YY1AP1: variants seen among roughly 807,000 people sequenced by gnomAD.
The protein encoded by YY1AP1 is YY1-associated protein 1.
YY1AP1 carries 43 observed loss-of-function variants against 39.9 expected under a neutral mutation model. That is an observed-to-expected ratio of 1.08 (90% CI 0.84 to 1.39). The LOEUF (loss-of-function observed/expected upper bound fraction) is 1.39. YY1AP1 is among the 40% of genes most tolerant of loss of function. The probability of loss-of-function intolerance (pLI) is 0.00; values close to 1 mark genes in which losing one functional copy is unlikely to be tolerated. For missense variants in YY1AP1, 813 were observed against 900.7 expected (o/e 0.90, Z 1.25); for synonymous variants, 292 against 331.3 (o/e 0.88, Z 1.29).
At chr1:155,677,508 T>G (rs1650876527) in intron 4 of YY1AP1, among the ~76,000 whole-genome samples, 1 of 152,214 alleles carries the variant, frequency 6.6e-6, no homozygotes, top group Non-Finnish European at 1.5e-5. Context: ...AAGCATATGC[T>G]GATACCCTAT....
chr1:155,671,896 TC>T (rs1451905895), intron 7 of YY1AP1, among the ~76,000 whole-genome samples: 4 of 152,142 alleles, frequency 2.6e-5, no homozygotes, highest in Non-Finnish European at 5.9e-5. Flanking sequence ...TAAAATAGAA[TC>T]CAAAGACAAA....
chr1:155,688,545 C>G (rs1238511623), intron 1 of YY1AP1, 114 bp downstream of exon 1: 16 of 1,541,362 alleles, frequency 1.0e-5, no homozygotes, highest in Non-Finnish European at 1.3e-5. Context: ...CACCTTCGGC[C>G]GTCCTGCGAG....
At chr1:155,686,304 C>T (rs1306441985) in intron 2 of YY1AP1, among the ~76,000 whole-genome samples, 1 of 152,094 alleles carries the variant, frequency 6.6e-6, no homozygotes, top group Non-Finnish European at 1.5e-5. Flanking sequence ...GATCCGCCCA[C>T]CTCGGCCTCC....
chr1:155,663,416 C>T (rs1489926798), intron 9 of YY1AP1, among the ~76,000 whole-genome samples: 1 of 148,288 alleles, frequency 6.7e-6, no homozygotes, highest in African/African-American at 2.5e-5. Flanking sequence ...AGGTTTATCA[C>T]GTGTGCCTTA....
chr1:155,673,717 T>A (rs1220561961), intron 6 of YY1AP1, among the ~76,000 whole-genome samples: 1 of 151,822 alleles, frequency 6.6e-6, no homozygotes, highest in African/African-American at 2.4e-5. Flanking sequence ...CTAATTTTTT[T>A]ATTTTTTATT....
chr1:155,660,276 G>C lies in YY1AP1; in HGVS notation c.1634C>G (p.Ala545Gly). 1.2e-6 allele frequency: 2 copies of C among 1,614,228 alleles called. No individual in the cohort carries two copies. The highest frequency in any genetic ancestry group is 8.5e-7 in the Non-Finnish European group (1 of 1,180,052). ...GARAFRCIKP[A>G]PVIHPASVIF... ...AACAGATGCAGGGTGGATAACAGGG[G>C]CAGGTTTGATACAGCGAAAGGCCCT... Residue 545 changes from alanine (A) to glycine (G), a missense_variant, in exon 11 of 11, where the codon GCC becomes GGC. By Grantham distance (60) the Ala-to-Gly change is moderately conservative. Coordinates refer to ENST00000355499, the MANE Select transcript of YY1AP1 (RefSeq NM_139119.3).
upstream of YY1AP1, chr1:155,688,927 T>C: frequency 6.2e-7 from 1 of 1,613,094 alleles, no homozygotes; most frequent in Non-Finnish European, 8.5e-7. Context: ...CATGACAACC[T>C]ACCTCCCTGG....
intron 9 of YY1AP1, 52 bp downstream of exon 9, chr1:155,668,575 A>C: frequency 6.2e-7 from 1 of 1,613,770 alleles, no homozygotes; most frequent in Non-Finnish European, 8.5e-7. Flanking sequence ...AAGAGAAAAG[A>C]ACAGATATGT....
At chr1:155,665,826 G>C (rs571497312) in intron 9 of YY1AP1, among the ~76,000 whole-genome samples, 2 of 141,458 alleles carry the variant, frequency 1.4e-5, no homozygotes, top group African/African-American at 5.2e-5. Flanking sequence ...CAAAAGCAAA[G>C]ATGTGGAATT....
intron 9 of YY1AP1, among the ~76,000 whole-genome samples, chr1:155,668,004 T>C (rs1040365430): frequency 6.7e-6 from 1 of 148,464 alleles, no homozygotes; most frequent in Non-Finnish European, 1.5e-5. Flanking sequence ...AAACACAAAA[T>C]TGAGAAAAAG....
Position 155,660,789 on chromosome 1 carries a change from A to G in YY1AP1, c.1121T>C (p.Leu374Ser). Residue 374 changes from leucine (L) to serine (S), a missense_variant, in exon 11 of 11, where the codon TTG becomes TCG. Physicochemically the swap from Leu to Ser is moderately radical, Grantham distance 145. Transcript: ENST00000355499. Reference protein sequence around the residue: ...DQGLEKDNSELGSETRYPLLL... With the variant: ...DQGLEKDNSESGSETRYPLLL... ...CAGTGGGTACCGAGTTTCACTCCCC[A>G]ACTCTGAGTTGTCTTTTTCTAGGCC... 1 of 1,614,180 alleles carries G rather than the reference A, an allele frequency of 6.2e-7. No homozygotes were observed. Among genetic ancestry groups the G allele is most frequent in the African/African-American group, 1.3e-5 (1 of 75,046 alleles).
chr1:155,686,140 T>C (rs1475184983), intron 2 of YY1AP1, among the ~76,000 whole-genome samples: 1 of 147,720 alleles, frequency 6.8e-6, no homozygotes, highest in Admixed American at 6.9e-5. Flanking sequence ...GTTCACGCCA[T>C]TCTCCTGCCT....
intron 2 of YY1AP1, among the ~76,000 whole-genome samples, chr1:155,686,482 A>G (rs1007469805): frequency 4.6e-5 from 7 of 152,072 alleles, no homozygotes; most frequent in African/African-American, 9.7e-5. Flanking sequence ...GCCTCCCTCA[A>G]CTTAATACCT....
intron 9 of YY1AP1, among the ~76,000 whole-genome samples, chr1:155,666,924 C>T (rs1649098965): frequency 6.6e-6 from 1 of 152,184 alleles, no homozygotes; most frequent in East Asian, 1.9e-4. Context: ...TGCTTGAACC[C>T]GGTAGGTGGA....
rs951347489 is a variant in YY1AP1 at position 155,684,975 on chromosome 1, T to C, written c.-21+3096A>G. ...TCTGTCAAATAGCTACTGGATTTTA[T>C]ATCAGGAGGGCTTTCTACATGTATG... is the stretch of plus-strand genomic sequence containing the variant. On this transcript the variant is annotated intron_variant, in intron 2 of 10. Transcript: ENST00000355499. Among the ~76,000 whole-genome samples the C allele has an allele frequency of 4.6e-5, 7 of 152,322 alleles. No homozygotes were observed. The South Asian group carries it at 8.3e-4, about 18-fold the overall frequency.
At chr1:155,677,459 T>C (rs1297273799) in intron 4 of YY1AP1, among the ~76,000 whole-genome samples, 2 of 152,056 alleles carry the variant, frequency 1.3e-5, no homozygotes, top group South Asian at 2.1e-4. Flanking sequence ...TATGTTTACA[T>C]AGAAAGAAAT....
chr1:155,676,505 C>A, intron 5 of YY1AP1, 43 bp downstream of exon 5: 1 of 1,610,162 alleles, frequency 6.2e-7, no homozygotes, highest in Non-Finnish European at 8.5e-7. Context: ...CAGAGTTAGG[C>A]CTTGGTATAA....
chr1:155,670,129 T>C (rs1260183241), intron 8 of YY1AP1, among the ~76,000 whole-genome samples, 191 bp downstream of exon 8: 1 of 152,150 alleles, frequency 6.6e-6, no homozygotes, highest in African/African-American at 2.4e-5. Flanking sequence ...ATTTTAAAAA[T>C]GTGTGTAACA....
chr1:155,660,341 CT>C lies in YY1AP1; in HGVS notation c.1568del (p.Lys523SerfsTer4). On this transcript the variant is annotated frameshift_variant, in exon 11 of 11. Coordinates refer to ENST00000355499, the MANE Select transcript of YY1AP1 (RefSeq NM_139119.3). LOFTEE classifies it low-confidence loss of function (END_TRUNC). ...TTGAGGGTCTCCGTCTCACATATGG[CT>C]TTCGAAACATGGAAGAGGCAGGGGA... ...MPSPASSMFR[K>X]PYVRRRPSKR... is the part of the protein sequence containing the mutation. 1 of 1,614,154 alleles carries C rather than the reference CT, an allele frequency of 6.2e-7. No individual in the cohort carries two copies. The highest frequency in any genetic ancestry group is 8.5e-7 in the Non-Finnish European group (1 of 1,180,032).
Sources: gnomAD v4.1 joint callset for allele counts (sites outside exome capture counted in the v4.1 genomes callset) on GRCh38, gnomAD v4.1.1 for gene constraint, MANE v1.5 for transcripts, NCBI Gene and HGNC (gene_info 2026-07-23, HGNC 2026-07-21) for gene names.